The following ADAM22 variants were observed in gnomAD, a reference collection of about 807,000 sequenced individuals.
The protein encoded by ADAM22 is ADAM metallopeptidase domain 22.
A neutral mutation model predicts 144.6 loss-of-function variants in ADAM22; 65 were observed. The ratio of observed to expected loss-of-function variants is 0.45; its 90% CI spans 0.37 to 0.55. The LOEUF is 0.55. Among genes scored for constraint, ADAM22 ranks in the 20% least tolerant of loss-of-function variants. ADAM22 has a pLI of 0.00. For missense variants in ADAM22, 974 were observed against 1,184.9 expected (o/e 0.82, Z 2.61); for synonymous variants, 391 against 412.6 (o/e 0.95, Z 0.63).
At chr7:87,989,536 A>G (rs1449069171) in intron 3 of ADAM22, among the ~76,000 whole-genome samples, 5 of 152,182 alleles carry the variant, frequency 3.3e-5, no homozygotes, top group African/African-American at 9.7e-5. Flanking sequence ...TACTCATGCT[A>G]TATAGCCTGG....
intron 5 of ADAM22, 103 bp from the exon 6 acceptor site, chr7:88,114,481 A>G: frequency 1.0e-6 from 1 of 1,004,644 alleles, no homozygotes; most frequent in Admixed American, 1.8e-5. Flanking sequence ...GGAAATGGGC[A>G]TTGAGAAGCA....
At chr7:88,110,737 A>G (rs1825797767) in intron 5 of ADAM22, among the ~76,000 whole-genome samples, 1 of 129,844 alleles carries the variant, frequency 7.7e-6, no homozygotes, top group African/African-American at 2.9e-5. Context: ...TCGTTCATTC[A>G]TTCTTTCTTT....
intron 14 of ADAM22, among the ~76,000 whole-genome samples, chr7:88,142,331 C>T (rs1834939118): frequency 6.6e-6 from 1 of 152,122 alleles, no homozygotes; most frequent in African/African-American, 2.4e-5. Context: ...GGAACAGCTC[C>T]TCTTTCTTTG....
chr7:88,013,124 G>A (rs868525255), intron 3 of ADAM22, among the ~76,000 whole-genome samples: 5 of 152,172 alleles, frequency 3.3e-5, no homozygotes, highest in Admixed American at 6.5e-5. Context: ...TCAGCCTCCA[G>A]CAAAGCATCA....
rs554383391 is a variant in ADAM22 at position 88,145,612 on chromosome 7, T to C, written c.1485+105T>C. 177 of 875,076 alleles carry C rather than the reference T, an allele frequency of 2.0e-4. No individual in the cohort carries two copies. In the South Asian group the frequency reaches 2.9e-3, roughly 14 times the overall value. 54.2% of individuals were successfully genotyped at this position (875,076 alleles called of 1,614,324 possible). A position where few individuals can be genotyped will look rare whatever the true frequency, so the allele number is the denominator to read the frequency against. On this transcript the variant is annotated intron_variant, in intron 17 of 31. Transcript: ENST00000413139. ...AATAACAGAAATAGTATCTAACATATATTAAATGAGTAAGTGCCAGGTGCT... is the reference window on the plus strand; with the variant it reads ...AATAACAGAAATAGTATCTAACATACATTAAATGAGTAAGTGCCAGGTGCT...
chr7:88,047,168 AC>A, intron 3 of ADAM22, among the ~76,000 whole-genome samples: 1 of 152,320 alleles, frequency 6.6e-6, no homozygotes, highest in East Asian at 1.9e-4. Flanking sequence ...CATTTAAAAT[AC>A]CTAGTACAGT....
chr7:87,994,929 G>A (rs1315281694), intron 3 of ADAM22, among the ~76,000 whole-genome samples: 4 of 151,926 alleles, frequency 2.6e-5, no homozygotes, highest in Non-Finnish European at 5.9e-5. Context: ...CCGGGTTCAC[G>A]CCATCCTCCT....
intron 3 of ADAM22, among the ~76,000 whole-genome samples, chr7:88,031,300 A>G (rs1383011050): frequency 6.6e-6 from 1 of 152,190 alleles, no homozygotes; most frequent in Non-Finnish European, 1.5e-5. Context: ...CAGAGGATGG[A>G]GCAGTTTGAA....
intron 3 of ADAM22, among the ~76,000 whole-genome samples, chr7:88,053,199 T>C (rs1367897404): frequency 6.6e-6 from 1 of 152,104 alleles, no homozygotes; most frequent in African/African-American, 2.4e-5. Flanking sequence ...ATTGTATTTT[T>C]TGTATGCAGA....
At chr7:88,159,295 A>G (rs1023479320) in intron 22 of ADAM22, among the ~76,000 whole-genome samples, 1 of 152,146 alleles carries the variant, frequency 6.6e-6, no homozygotes, top group Non-Finnish European at 1.5e-5. Flanking sequence ...GGCCAGGACC[A>G]GACAGACTCA....
At chr7:88,064,348 C>A (rs1347151442) in intron 3 of ADAM22, among the ~76,000 whole-genome samples, 3 of 152,138 alleles carry the variant, frequency 2.0e-5, no homozygotes, top group African/African-American at 7.2e-5. Flanking sequence ...AATTTGAATG[C>A]TGTCTATAAC....
At position 88,193,245 on chromosome 7, in the gene ADAM22, TG is replaced by T; in HGVS notation, c.2874+8del. ...TGAACCGACAAAGTGCCAGGGTATG[TG>T]GAAACCTCTTCCATGTGCGTACATG... is the stretch of plus-strand genomic sequence containing the variant. On this transcript the variant is annotated splice_region_variant and intron_variant, in intron 31 of 31. Coordinates refer to ENST00000413139, the MANE Select transcript of ADAM22 (RefSeq NM_001324418.2). The T allele has an allele frequency of 6.2e-7, 1 of 1,613,574 alleles. No individual in the cohort carries two copies. The highest frequency in any genetic ancestry group is 1.3e-5 in the African/African-American group (1 of 75,036).
intron 12 of ADAM22, among the ~76,000 whole-genome samples, chr7:88,133,537 C>T (rs146543298): frequency 6.6e-6 from 1 of 152,000 alleles, no homozygotes; most frequent in Non-Finnish European, 1.5e-5. Context: ...AAGCTACTTA[C>T]AGATTAAATT....
chr7:87,980,814 G>A (rs1261384268), intron 3 of ADAM22, among the ~76,000 whole-genome samples: 5 of 152,088 alleles, frequency 3.3e-5, no homozygotes, highest in African/African-American at 1.2e-4. Flanking sequence ...TCAAGAAAAG[G>A]GTGGGGAGCA....
chr7:88,050,221 T>TC (rs1805842437), intron 3 of ADAM22, among the ~76,000 whole-genome samples: 3 of 70,566 alleles, frequency 4.3e-5, no homozygotes. Context: ...CCATCTCTAC[T>TC]AAAAAAAAAA....
chr7:88,041,677 T>A lies in ADAM22; in HGVS notation c.324-33949T>A, dbSNP rs146241798. ...CCTTTGTTATAAAATTCTGGACAAT[T>A]TAACATGCTTTTTTCCCTAGCCCAG... is the stretch of plus-strand genomic sequence containing the variant. On this transcript the variant is annotated intron_variant, in intron 3 of 31. Transcript: ENST00000413139. Among the ~76,000 whole-genome samples the A allele has an allele frequency of 2.5e-3, 373 of 152,072 alleles. 4 individuals carry two copies. Among genetic ancestry groups the A allele is most frequent in the Non-Finnish European group, 4.4e-3 (298 of 67,922 alleles).
chr7:88,106,747 T>C (rs2129487479), intron 4 of ADAM22, among the ~76,000 whole-genome samples: 1 of 152,292 alleles, frequency 6.6e-6, no homozygotes. Context: ...AAAATACAGA[T>C]TCTCTACAGT....
intron 7 of ADAM22, among the ~76,000 whole-genome samples, chr7:88,121,345 G>A (rs1035975879): frequency 6.6e-6 from 1 of 152,094 alleles, no homozygotes; most frequent in Non-Finnish European, 1.5e-5. Flanking sequence ...TTAGTAGTGA[G>A]ACTAAAATTT....
intron 8 of ADAM22, among the ~76,000 whole-genome samples, 194 bp from the exon 9 acceptor site, chr7:88,128,408 A>G (rs1275073774): frequency 6.6e-6 from 1 of 152,030 alleles, no homozygotes; most frequent in African/African-American, 2.4e-5. Context: ...CTGCCCTTTT[A>G]TACTTTTTAA....
Sources: gnomAD v4.1 joint callset for allele counts (sites outside exome capture counted in the v4.1 genomes callset) on GRCh38, gnomAD v4.1.1 for gene constraint, MANE v1.5 for transcripts, NCBI Gene and HGNC (gene_info 2026-07-23, HGNC 2026-07-21) for gene names.